CCNG1: variants seen among roughly 807,000 people sequenced by gnomAD.
The protein encoded by CCNG1 is cyclin-G1.
Under a neutral mutation model 30.0 loss-of-function variants are expected in CCNG1, and 13 were observed. The ratio of observed to expected loss-of-function variants is 0.43; its 90% CI spans 0.28 to 0.69. CCNG1 has a LOEUF of 0.69. Among genes scored for constraint, CCNG1 ranks in the 30% least tolerant of loss-of-function variants. CCNG1 has a pLI of 0.16. For synonymous variants in CCNG1, 110 were observed against 121.5 expected, an observed-to-expected ratio of 0.91 and a Z score of 0.62; for missense variants, 285 against 331.4, an observed-to-expected ratio of 0.86 and a Z score of 1.09.
At chr5:163,438,951 G>A (rs574777702) in intron 1 of CCNG1, among the ~76,000 whole-genome samples, 224 of 151,918 alleles carry the variant, frequency 1.5e-3, no homozygotes, top group Non-Finnish European at 2.1e-3. Flanking sequence ...GCTTGAACCA[G>A]GGAGTCGGAG....
At chr5:163,450,948 T>A (rs962150152), downstream of CCNG1, 3 of 152,198 alleles carry the variant, frequency 2.0e-5, no homozygotes, top group Admixed American at 2.0e-4. Context: ...TACAATGAAG[T>A]ATTTTCAGAC....
chr5:163,457,549 T>A, the CCNG1 span: 1 of 1,473,762 alleles, frequency 6.8e-7, no homozygotes, highest in Non-Finnish European at 9.5e-7. Flanking sequence ...TGAATTATAG[T>A]AATTACCCTT....
chr5:163,446,036 A>G (rs1331887462), downstream of CCNG1: 1 of 152,122 alleles, frequency 6.6e-6, no homozygotes, highest in Non-Finnish European at 1.5e-5. Context: ...TATTACTGGA[A>G]TTGAATTAAT....
At chr5:163,457,007 T>C in the CCNG1 span, 122 of 1,613,732 alleles carry the variant, frequency 7.6e-5, no homozygotes, top group Middle Eastern at 1.2e-3. Context: ...ATTCAGATTC[T>C]AGTAGAGAAG....
At chr5:163,443,614 G>C (rs1390069124) in intron 6 of CCNG1, 60 bp from the exon 7 acceptor site, 2 of 831,114 alleles carry the variant, frequency 2.4e-6, no homozygotes, top group Non-Finnish European at 3.9e-6. Flanking sequence ...TTTCTTAGTA[G>C]TATTTAGGCA....
chr5:163,447,036 T>C (rs1758054057), downstream of CCNG1: 1 of 152,174 alleles, frequency 6.6e-6, no homozygotes, highest in Non-Finnish European at 1.5e-5. Context: ...CATTTTTATA[T>C]TCATCAAAGT....
rs962717622 is a variant in CCNG1 at position 163,443,702 on chromosome 5, G to A, written c.*32G>A. 1 of 1,531,704 alleles carries A rather than the reference G, an allele frequency of 6.5e-7. No homozygotes were observed. The highest frequency in any genetic ancestry group is 8.7e-7 in the Non-Finnish European group (1 of 1,143,712). 94.9% of individuals were successfully genotyped at this position (1,531,704 alleles called of 1,614,324 possible). A position where few individuals can be genotyped will look rare whatever the true frequency, so the allele number is the denominator to read the frequency against. On this transcript the variant is annotated 3_prime_UTR_variant, in exon 7 of 7. Transcript: ENST00000340828. ...TATTACAGCACCAAAAAACTTCTCTGAAGCCTTTCTCCACAACCTTGTTCT... is the reference window on the plus strand; with the variant it reads ...TATTACAGCACCAAAAAACTTCTCTAAAGCCTTTCTCCACAACCTTGTTCT...
chr5:163,439,944 T>C (rs930671441), intron 2 of CCNG1, among the ~76,000 whole-genome samples: 1 of 152,080 alleles, frequency 6.6e-6, no homozygotes, highest in Non-Finnish European at 1.5e-5. Context: ...GTTTTAGCCT[T>C]AGACCTAGTC....
chr5:163,450,255 T>C (rs1424416542), downstream of CCNG1: 3 of 152,062 alleles, frequency 2.0e-5, no homozygotes, highest in Non-Finnish European at 2.9e-5. Flanking sequence ...AGTGAGAATG[T>C]GAGTCAAAAA....
At chr5:163,442,763 G>A (rs1436790110) in intron 6 of CCNG1, among the ~76,000 whole-genome samples, 195 bp downstream of exon 6, 1 of 152,114 alleles carries the variant, frequency 6.6e-6, no homozygotes, top group Non-Finnish European at 1.5e-5. Context: ...TTAGGAGTAA[G>A]GAATTATCCA....
In CCNG1 at chr5:163,444,620, G is replaced by A. The variant is rs1014085108; in HGVS notation, c.*950G>A. ...TGCCAAAACAAAAATCTTAAGAAAA[G>A]CAAGTAGACACCTTCATAACTATGA... is the stretch of plus-strand genomic sequence containing the variant. On this transcript the variant is annotated 3_prime_UTR_variant, in exon 7 of 7. Coordinates refer to ENST00000340828, the MANE Select transcript of CCNG1 (RefSeq NM_004060.4). 11 of 152,576 alleles carry A rather than the reference G, an allele frequency of 7.2e-5. No homozygotes were observed. Among genetic ancestry groups the A allele is most frequent in the Non-Finnish European group, 1.5e-4 (10 of 68,010 alleles). The allele number at this position is 152,576 out of a possible 1,614,324, so 9.5% of individuals were successfully genotyped here.
chr5:163,448,186 G>C (rs1758086394), downstream of CCNG1: 1 of 131,274 alleles, frequency 7.6e-6, no homozygotes, highest in Admixed American at 7.6e-5. Flanking sequence ...TAAACCTAAA[G>C]CAAGCAGAAA....
chr5:163,455,249 CTG>C, the CCNG1 span, among the ~76,000 whole-genome samples: 1 of 151,926 alleles, frequency 6.6e-6, no homozygotes, highest in Non-Finnish European at 1.5e-5. Context: ...GTTAGCCAAA[CTG>C]TGGGAGAAGA....
chr5:163,441,431 T>C, intron 3 of CCNG1, 100 bp downstream of exon 3: 2 of 1,139,648 alleles, frequency 1.8e-6, no homozygotes, highest in Admixed American at 2.8e-5. Flanking sequence ...CTAATAAAAA[T>C]AAGTAAAATG....
intron 1 of CCNG1, 97 bp downstream of exon 1, chr5:163,437,901 A>C (rs1757569537): frequency 6.6e-6 from 1 of 152,122 alleles, no homozygotes; most frequent in Non-Finnish European, 1.5e-5. Flanking sequence ...GCCCTTTTCC[A>C]CACTAAACTC....
chr5:163,453,944 A>G, the CCNG1 span: 1 of 1,392,398 alleles, frequency 7.2e-7, no homozygotes, highest in Non-Finnish European at 9.8e-7. Context: ...GCTAGGATCC[A>G]CAGAATGCAG....
chr5:163,442,593 C>T (rs1047210367), intron 6 of CCNG1, 25 bp downstream of exon 6: 1 of 1,521,378 alleles, frequency 6.6e-7, no homozygotes, highest in African/African-American at 1.4e-5. Context: ...TTATTATTCT[C>T]CAGATAGAGA....
chr5:163,441,778 A>C, intron 3 of CCNG1, 108 bp from the exon 4 acceptor site: 1 of 662,640 alleles, frequency 1.5e-6, no homozygotes, highest in Non-Finnish European at 2.7e-6. Context: ...TGCTATGTTA[A>C]GTGTGCATAA....
chr5:163,455,456 T>C, the CCNG1 span, among the ~76,000 whole-genome samples: 1 of 152,096 alleles, frequency 6.6e-6, no homozygotes, highest in Admixed American at 6.6e-5. Context: ...TGATGTGACT[T>C]GGATTTTAAA....
Sources: allele counts gnomAD v4.1 joint callset (sites outside exome capture counted in the v4.1 genomes callset), GRCh38; gene constraint gnomAD v4.1.1; transcripts MANE v1.5; gene names NCBI Gene and HGNC (gene_info 2026-07-23, HGNC 2026-07-21).